Variants in CASK observed in about 807,000 individuals in gnomAD.
The protein encoded by CASK is peripheral plasma membrane protein CASK.
CASK carries 4 observed loss-of-function variants against 82.9 expected under a neutral mutation model. The observed-to-expected ratio is 0.05, with a 90% CI of 0.02 to 0.11. The LOEUF is 0.11. Ranked by LOEUF, CASK falls within the 10% of genes least tolerant of loss-of-function variation. CASK has a pLI of 1.00. For missense variants in CASK, 358 were observed against 720.9 expected, an observed-to-expected ratio of 0.50 and a Z score of 5.76; for synonymous variants, 259 against 253.5, an observed-to-expected ratio of 1.02 and a Z score of -0.20.
chrX:41,589,256 C>T (rs1310616966), intron 13 of CASK, among the ~76,000 whole-genome samples: 1 of 111,936 alleles, frequency 8.9e-6, no homozygotes, highest in African/African-American at 3.2e-5. Context: ...TTTTAAAAAA[C>T]AGAAAAAGAG....
intron 2 of CASK, among the ~76,000 whole-genome samples, chrX:41,847,197 T>C (rs1272865861): frequency 3.6e-5 from 4 of 112,029 alleles, no homozygotes; most frequent in African/African-American, 1.3e-4. Context: ...ATATTCTTTC[T>C]ACTCCTTTCT....
At chrX:41,826,361 G>A (rs1304629967) in intron 2 of CASK, among the ~76,000 whole-genome samples, 1 of 112,208 alleles carries the variant, frequency 8.9e-6, no homozygotes, top group Non-Finnish European at 1.9e-5. Context: ...TTATCACTGC[G>A]TCCTCACATG....
chrX:41,663,462 C>A (rs2067067424), intron 7 of CASK, among the ~76,000 whole-genome samples: 1 of 112,341 alleles, frequency 8.9e-6, no homozygotes. Flanking sequence ...TGCCACCATC[C>A]ATCTGACTTA....
chrX:41,893,391 G>C (rs1191283556), intron 1 of CASK, among the ~76,000 whole-genome samples: 1 of 112,236 alleles, frequency 8.9e-6, no homozygotes, highest in East Asian at 2.8e-4. Flanking sequence ...TACTGGTTGA[G>C]GTAAGCAAGA....
intron 11 of CASK, among the ~76,000 whole-genome samples, chrX:41,615,958 T>A (rs1316364621): frequency 1.8e-5 from 2 of 111,764 alleles, no homozygotes; most frequent in Admixed American, 9.5e-5. Context: ...TGATATACAG[T>A]TTATGTAGCA....
intron 14 of CASK, among the ~76,000 whole-genome samples, chrX:41,579,176 C>T (rs983969205): frequency 3.6e-5 from 4 of 111,628 alleles, no homozygotes; most frequent in Admixed American, 9.5e-5. Flanking sequence ...TTTACAATGA[C>T]GCTTTTATAT....
rs397937722 is a variant in CASK, at chrX:41,570,010, C to CTTTTTTTTTT, written c.1504-274_1504-265dup. On this transcript the variant is annotated intron_variant, in intron 15 of 26. Coordinates refer to ENST00000378163, the MANE Select transcript of CASK (RefSeq NM_001367721.1). ...ACTATTTTCTTTTCTTTTCTTTTTT[C>CTTTTTTTTTT]TTTTTTTTTTTTTTTTTTTTGAGAC... 2.4e-4 allele frequency among the ~76,000 whole-genome samples: 17 copies of CTTTTTTTTTT among 70,625 alleles called. 1 individual carries two copies. The highest frequency in any genetic ancestry group is 8.2e-4 in the South Asian group (1 of 1,222). 61.3% of individuals were successfully genotyped at this position (70,625 alleles called of 115,157 possible).
chrX:41,539,121 G>A (rs984821853), intron 22 of CASK, among the ~76,000 whole-genome samples: 12 of 112,042 alleles, frequency 1.1e-4, no homozygotes, highest in African/African-American at 3.9e-4. Flanking sequence ...CTGTGTGTGT[G>A]GGAGTTAGAG....
intron 5 of CASK, among the ~76,000 whole-genome samples, chrX:41,714,292 G>A (rs1333064719): frequency 1.8e-5 from 2 of 111,563 alleles, no homozygotes; most frequent in East Asian, 5.6e-4. Flanking sequence ...CCCCTACCTA[G>A]TACTGTAAAC....
At chrX:41,610,855 T>C (rs975038316) in intron 11 of CASK, among the ~76,000 whole-genome samples, 2 of 111,769 alleles carry the variant, frequency 1.8e-5, no homozygotes, top group Admixed American at 9.5e-5. Flanking sequence ...CTCTTTTACA[T>C]TGCAGGCAAT....
chrX:41,761,911 A>C (rs970783914), intron 3 of CASK, among the ~76,000 whole-genome samples: 1 of 112,220 alleles, frequency 8.9e-6, no homozygotes, highest in Non-Finnish European at 1.9e-5. Flanking sequence ...TTTTTACATT[A>C]GTCACTCCTC....
intron 11 of CASK, among the ~76,000 whole-genome samples, chrX:41,614,680 C>T (rs981933432): frequency 2.7e-5 from 3 of 111,353 alleles, no homozygotes; most frequent in African/African-American, 9.8e-5. Flanking sequence ...TGCCAACACG[C>T]CCAGCTAATT....
intron 2 of CASK, among the ~76,000 whole-genome samples, chrX:41,790,799 A>C (rs2069697775): frequency 8.9e-6 from 1 of 112,447 alleles, no homozygotes; most frequent in African/African-American, 3.2e-5. Flanking sequence ...TATCCATTCC[A>C]ACTATAGATT....
rs894088646 is a variant in CASK, at chrX:41,519,635, T to C, written c.*785A>G. 1 of 111,308 alleles carries C rather than the reference T, an allele frequency of 9.0e-6. No individual in the cohort carries two copies. The highest frequency in any genetic ancestry group is 9.6e-5 in the Admixed American group (1 of 10,456). The allele number at this position is 111,308 out of a possible 1,213,427, so 9.2% of individuals were successfully genotyped here. On this transcript the variant is annotated 3_prime_UTR_variant, in exon 27 of 27. Coordinates refer to ENST00000378163, the MANE Select transcript of CASK (RefSeq NM_001367721.1). ...GCATAGGTTTACAACTTAGTCATAA[T>C]AGCATTTTATTCTTATTCCCCTGGG...
chrX:41,663,446 T>C (rs2067067041), intron 7 of CASK, among the ~76,000 whole-genome samples: 1 of 112,289 alleles, frequency 8.9e-6, no homozygotes, highest in Non-Finnish European at 1.9e-5. Context: ...AAAATTATGA[T>C]GTAGCTGCCA....
At chrX:41,735,315 TGAATA>T (rs1405017868) in intron 5 of CASK, among the ~76,000 whole-genome samples, 3 of 111,865 alleles carry the variant, frequency 2.7e-5, no homozygotes, top group Admixed American at 9.5e-5. Context: ...GATAAGTCAC[TGAATA>T]TATATCTGAA....
intron 1 of CASK, among the ~76,000 whole-genome samples, chrX:41,869,681 C>T (rs1321830920): frequency 1.6e-4 from 17 of 105,756 alleles, no homozygotes; most frequent in African/African-American, 4.5e-4. Context: ...GGTGCAGTGG[C>T]GCGCGCCTGT....
intron 2 of CASK, among the ~76,000 whole-genome samples, chrX:41,847,085 T>G (rs2147959010): frequency 8.9e-6 from 1 of 112,110 alleles, no homozygotes; most frequent in East Asian, 2.8e-4. Context: ...TTGATTATGG[T>G]TTGTTTTTGC....
intron 5 of CASK, among the ~76,000 whole-genome samples, chrX:41,702,025 G>T (rs368599769): frequency 8.0e-5 from 9 of 112,288 alleles, no homozygotes; most frequent in East Asian, 5.5e-4. Flanking sequence ...AACATAAATT[G>T]CCATTAATAT....
Sources: gnomAD v4.1 joint callset for allele counts (sites outside exome capture counted in the v4.1 genomes callset) on GRCh38, gnomAD v4.1.1 for gene constraint, MANE v1.5 for transcripts, NCBI Gene and HGNC (gene_info 2026-07-23, HGNC 2026-07-21) for gene names.